The following KAZN variants were observed in gnomAD, a reference collection of about 807,000 sequenced individuals.
The protein encoded by KAZN is kazrin.
A neutral mutation model predicts 87.4 loss-of-function variants in KAZN; 40 were observed. The ratio of observed to expected loss-of-function variants is 0.46; its 90% confidence interval spans 0.36 to 0.60. The LOEUF (loss-of-function observed/expected upper bound fraction) is 0.60, where lower values mean the gene tolerates loss of function less well. KAZN is among the 20% of genes least tolerant of loss of function. KAZN has a pLI of 0.00. For missense variants in KAZN, 898 were observed against 1,073.9 expected (o/e 0.84, Z 2.29); for synonymous variants, 466 against 458.3 (o/e 1.02, Z -0.22).
intron 1 of KAZN, among the ~76,000 whole-genome samples, chr1:14,026,093 A>C (rs1453008073): frequency 6.6e-6 from 1 of 152,198 alleles, no homozygotes; most frequent in African/African-American, 2.4e-5. Flanking sequence ...TATATGAAGG[A>C]AAAGGGCATT....
chr1:14,465,136 A>C (rs1668050086), intron 2 of KAZN, among the ~76,000 whole-genome samples: 1 of 151,944 alleles, frequency 6.6e-6, no homozygotes, highest in Non-Finnish European at 1.5e-5. Context: ...GTGGTGGCTC[A>C]TGCCTGTAAT....
chr1:14,242,569 TTGGGTG>T (rs1649075270), intron 2 of KAZN, among the ~76,000 whole-genome samples: 1 of 152,128 alleles, frequency 6.6e-6, no homozygotes, highest in Non-Finnish European at 1.5e-5. Context: ...GGCCTTATAT[TTGGGTG>T]GGGGGATAAG....
At chr1:14,078,416 C>T (rs1643544854) in intron 1 of KAZN, among the ~76,000 whole-genome samples, 1 of 152,146 alleles carries the variant, frequency 6.6e-6, no homozygotes, top group African/African-American at 2.4e-5. Flanking sequence ...CTTCAGTTTC[C>T]CTATCTTAAA....
At chr1:14,069,640 A>G (rs1003050833) in intron 1 of KAZN, among the ~76,000 whole-genome samples, 3 of 152,204 alleles carry the variant, frequency 2.0e-5, no homozygotes, top group African/African-American at 7.2e-5. Context: ...TGAAAGCCTC[A>G]TATTTTCAGC....
intron 2 of KAZN, among the ~76,000 whole-genome samples, chr1:14,243,159 T>C (rs1649133098): frequency 6.6e-6 from 1 of 152,164 alleles, no homozygotes; most frequent in Non-Finnish European, 1.5e-5. Flanking sequence ...GTTTCTCTGT[T>C]TTCAGTTTTG....
chr1:14,398,980 T>C (rs1663142428), intron 2 of KAZN, among the ~76,000 whole-genome samples: 1 of 152,034 alleles, frequency 6.6e-6, no homozygotes, highest in African/African-American at 2.4e-5. Flanking sequence ...CATTCCCCCC[T>C]CCACTCATGG....
chr1:14,150,240 G>A (rs547931899), intron 1 of KAZN, among the ~76,000 whole-genome samples: 1 of 152,316 alleles, frequency 6.6e-6, no homozygotes, highest in Non-Finnish European at 1.5e-5. Flanking sequence ...TTTGCTGTTG[G>A]TTAATGGTTT....
At chr1:14,553,531 C>T (rs72645995) in intron 2 of KAZN, among the ~76,000 whole-genome samples, 7,445 of 152,242 alleles carry the variant, frequency 0.049, 265 homozygotes, top group Non-Finnish European at 0.074. Context: ...AAGGAGAGGG[C>T]GCAAATCCCA....
intron 1 of KAZN, among the ~76,000 whole-genome samples, chr1:14,167,832 G>A (rs1645865738): frequency 6.6e-6 from 1 of 152,190 alleles, no homozygotes; most frequent in Non-Finnish European, 1.5e-5. Flanking sequence ...GATAAAGACT[G>A]CAACAGTGGC....
At chr1:14,450,120 G>GCC (rs35933063) in intron 2 of KAZN, among the ~76,000 whole-genome samples, 148 of 150,202 alleles carry the variant, frequency 9.9e-4, no homozygotes, top group Middle Eastern at 3.5e-3. Flanking sequence ...GGAGAGTGCT[G>GCC]CCCCCCCGCC....
chr1:14,480,709 A>G lies in KAZN; in HGVS notation c.250-118274A>G, dbSNP rs983547829. Among the ~76,000 whole-genome samples the G allele has an allele frequency of 2.8e-5, 4 of 145,386 alleles. No individual in the cohort carries two copies. The South Asian group carries it at 8.4e-4, about 31-fold the overall frequency. On this transcript the variant is annotated intron_variant, in intron 2 of 16. Transcript: ENST00000636203. Reference sequence around the variant, plus strand: ...ATATATAAAATATATATTTTTATGTATATATAAACAGATACATAAATTACA... The same window carrying G: ...ATATATAAAATATATATTTTTATGTGTATATAAACAGATACATAAATTACA...
chr1:14,618,888 C>G (rs1244192037), intron 1 of KAZN, among the ~76,000 whole-genome samples: 1 of 152,170 alleles, frequency 6.6e-6, no homozygotes, highest in Non-Finnish European at 1.5e-5. Flanking sequence ...TCCAAAGGAG[C>G]CTTCGCTTGA....
At chr1:14,349,040 A>G (rs1039092329) in intron 2 of KAZN, 4 of 152,258 alleles carry the variant, frequency 2.6e-5, no homozygotes, top group Admixed American at 2.6e-4. Flanking sequence ...AATGAATTCA[A>G]AAGAAAACAA....
chr1:14,394,484 G>A (rs1277216394), intron 2 of KAZN, among the ~76,000 whole-genome samples: 1 of 152,234 alleles, frequency 6.6e-6, no homozygotes, highest in African/African-American at 2.4e-5. Flanking sequence ...AATAATAAGT[G>A]ATGGTATTTG....
At chr1:14,238,739 G>A (rs1648652167) in intron 2 of KAZN, among the ~76,000 whole-genome samples, 1 of 152,214 alleles carries the variant, frequency 6.6e-6, no homozygotes, top group African/African-American at 2.4e-5. Context: ...CAATCCTGAT[G>A]GGGAAAGGAT....
intron 2 of KAZN, among the ~76,000 whole-genome samples, chr1:14,195,123 G>GA (rs1288950276): frequency 1.3e-5 from 2 of 152,068 alleles, no homozygotes; most frequent in Admixed American, 6.5e-5. Flanking sequence ...TATTATAGAA[G>GA]AAAAAATATA....
chr1:15,047,920 TGGCCCATCTTG>T (rs1026405189), intron 4 of KAZN, among the ~76,000 whole-genome samples: 5 of 152,226 alleles, frequency 3.3e-5, no homozygotes, highest in African/African-American at 1.2e-4. Flanking sequence ...GTGTGCCCTG[TGGCCCATCTTG>T]GGCCACTTAC....
intron 1 of KAZN, among the ~76,000 whole-genome samples, chr1:14,066,516 C>T (rs778763217): frequency 2.0e-5 from 3 of 152,154 alleles, no homozygotes; most frequent in Non-Finnish European, 4.4e-5. Flanking sequence ...CATGACTTCC[C>T]TCTTCTAGGC....
chr1:14,894,813 C>T (rs898116020), intron 1 of KAZN, among the ~76,000 whole-genome samples: 2 of 152,236 alleles, frequency 1.3e-5, no homozygotes, highest in African/African-American at 4.8e-5. Context: ...GCTATCACAC[C>T]AAGGACGGGG....
Sources: gnomAD v4.1 joint callset for allele counts (sites outside exome capture counted in the v4.1 genomes callset) on GRCh38, gnomAD v4.1.1 for gene constraint, MANE v1.5 for transcripts, NCBI Gene and HGNC (gene_info 2026-07-23, HGNC 2026-07-21) for gene names.